PLXNA2: variants seen among roughly 807,000 people sequenced by gnomAD.
The protein encoded by PLXNA2 is plexin-A2.
A neutral mutation model predicts 193.5 loss-of-function variants in PLXNA2; 91 were observed. That is an observed-to-expected ratio of 0.47 (90% confidence interval 0.40 to 0.56). The LOEUF is 0.56. Ranked by LOEUF, PLXNA2 falls within the 20% of genes least tolerant of loss-of-function variation. The pLI, the probability that PLXNA2 is intolerant of heterozygous loss-of-function variation, is 0.00. For synonymous variants in PLXNA2, 997 were observed against 1,027.3 expected, an observed-to-expected ratio of 0.97 and a Z score of 0.56; for missense variants, 1,995 against 2,503.2, an observed-to-expected ratio of 0.80 and a Z score of 4.33.
At chr1:208,065,575 G>C (rs1423222474) in intron 12 of PLXNA2, among the ~76,000 whole-genome samples, 1 of 152,188 alleles carries the variant, frequency 6.6e-6, no homozygotes, top group African/African-American at 2.4e-5. Flanking sequence ...TAAAACATGG[G>C]ATGTTAGAAT....
Position 208,025,906 on chromosome 1 carries a change from CCACAGTCAT to C in PLXNA2, c.*1328_*1336del, listed in dbSNP as rs1664329963. Reference sequence around the variant, plus strand: ...GGCAGAAGGTAGTAACGTGGGCATGCCACAGTCATTTCTACTGAGGAAGTGCTGTAGGCC... The same window carrying C: ...GGCAGAAGGTAGTAACGTGGGCATGCTTCTACTGAGGAAGTGCTGTAGGCC... On this transcript the variant is annotated 3_prime_UTR_variant, in exon 32 of 32. Coordinates refer to ENST00000367033, the MANE Select transcript of PLXNA2 (RefSeq NM_025179.4). 6.6e-6 allele frequency: 1 copy of C among 152,612 alleles called. No individual in the cohort carries two copies. The highest frequency in any genetic ancestry group is 1.5e-5 in the Non-Finnish European group (1 of 68,050). 9.5% of individuals were successfully genotyped at this position (152,612 alleles called of 1,614,324 possible). A position where few individuals can be genotyped will look rare whatever the true frequency, so the allele number is the denominator to read the frequency against.
intron 3 of PLXNA2, among the ~76,000 whole-genome samples, chr1:208,190,221 CACTT>C (rs1670135593): frequency 6.6e-6 from 1 of 152,152 alleles, no homozygotes; most frequent in Non-Finnish European, 1.5e-5. Context: ...GCTTCTCCAT[CACTT>C]ACTTACGTCA....
At chr1:208,130,569 C>T (rs1571950115) in intron 4 of PLXNA2, among the ~76,000 whole-genome samples, 1 of 152,198 alleles carries the variant, frequency 6.6e-6, no homozygotes, top group African/African-American at 2.4e-5. Context: ...AGAAGGAATG[C>T]ACCCAATGTC....
In PLXNA2 at chr1:208,045,032, G is replaced by A. The variant is rs186809554; in HGVS notation, c.3639+35C>T. 523 of 1,613,098 alleles carry A rather than the reference G, an allele frequency of 3.2e-4. 1 individual carries two copies. In the African/African-American group the frequency reaches 5.7e-3, roughly 17 times the overall value. On this transcript the variant is annotated intron_variant, in intron 19 of 31. Transcript: ENST00000367033. Reference sequence around the variant, plus strand: ...ACAGATCACACATGCACCACGAGGCGGGAAGGAGGCATTACAGACGCAGGG... The same window carrying A: ...ACAGATCACACATGCACCACGAGGCAGGAAGGAGGCATTACAGACGCAGGG...
At chr1:208,243,319 G>T (rs978176979) in intron 1 of PLXNA2, among the ~76,000 whole-genome samples, 2 of 152,246 alleles carry the variant, frequency 1.3e-5, no homozygotes, top group Admixed American at 6.5e-5. Flanking sequence ...GCCGCAGAGC[G>T]CCGGCAGGTG....
At chr1:208,065,762 C>A (rs1178677754) in intron 12 of PLXNA2, among the ~76,000 whole-genome samples, 1 of 152,156 alleles carries the variant, frequency 6.6e-6, no homozygotes, top group Non-Finnish European at 1.5e-5. Context: ...CAGAGCAGGG[C>A]CCTGGCTTTG....
chr1:208,058,326 C>T (rs2102345714), intron 13 of PLXNA2, among the ~76,000 whole-genome samples: 1 of 152,324 alleles, frequency 6.6e-6, no homozygotes, highest in East Asian at 1.9e-4. Context: ...CTGTGGGGTG[C>T]TGATTGCAGG....
chr1:208,192,931 G>A (rs1237905457), intron 3 of PLXNA2, among the ~76,000 whole-genome samples: 5 of 151,294 alleles, frequency 3.3e-5, no homozygotes, highest in Admixed American at 6.6e-5. Context: ...TTAGACAAAG[G>A]GTCTTAATAT....
intron 3 of PLXNA2, among the ~76,000 whole-genome samples, chr1:208,189,506 A>G (rs374915893): frequency 7.7e-6 from 1 of 129,196 alleles, no homozygotes; most frequent in African/African-American, 2.9e-5. Flanking sequence ...AGAAGAGATA[A>G]AGAGAAAAAA....
At chr1:208,054,345 G>A (rs933567709) in intron 14 of PLXNA2, 76 bp downstream of exon 14, 6 of 977,824 alleles carry the variant, frequency 6.1e-6, no homozygotes, top group Non-Finnish European at 8.1e-6. Flanking sequence ...GGGGAGTGGG[G>A]GCTTCCTGGG....
rs918800170 is a variant in PLXNA2 at position 208,082,350 on chromosome 1, T to A, written c.2395+62A>T. 1 of 1,332,430 alleles carries A rather than the reference T, an allele frequency of 7.5e-7. No homozygotes were observed. Among genetic ancestry groups the A allele is most frequent in the East Asian group, 2.4e-5 (1 of 41,760 alleles). The allele number at this position is 1,332,430 out of a possible 1,614,324, so 82.5% of individuals were successfully genotyped here. A position where few individuals can be genotyped will look rare whatever the true frequency, so the allele number is the denominator to read the frequency against. ...AGCGGCTGGCTGGCTCTGATCCCTC[T>A]AGCCCCAGTCTTTCCCGGGGTCGTG... On this transcript the variant is annotated intron_variant, in intron 11 of 31. Coordinates refer to ENST00000367033, the MANE Select transcript of PLXNA2 (RefSeq NM_025179.4). This position sits in a 1 kb window ranked among gnomAD's most constrained non-coding sequence, Gnocchi z 4.2.
At position 208,082,363 on chromosome 1, in the gene PLXNA2, T is replaced by A; in HGVS notation, c.2395+49A>T. 6.8e-7 allele frequency: 1 copy of A among 1,460,652 alleles called. No individual in the cohort carries two copies. Among genetic ancestry groups the A allele is most frequent in the Non-Finnish European group, 9.5e-7 (1 of 1,048,308 alleles). The allele number at this position is 1,460,652 out of a possible 1,614,324, so 90.5% of individuals were successfully genotyped here. ...CTCTGATCCCTCTAGCCCCAGTCTT[T>A]CCCGGGGTCGTGAAAAGATCAAACT... is the stretch of plus-strand genomic sequence containing the variant. On this transcript the variant is annotated intron_variant, in intron 11 of 31. Coordinates refer to ENST00000367033, the MANE Select transcript of PLXNA2 (RefSeq NM_025179.4). The surrounding 1 kb of genome is among the most constrained non-coding windows in gnomAD (Gnocchi z 4.2).
At chr1:208,208,792 C>T (rs1670828086) in intron 3 of PLXNA2, among the ~76,000 whole-genome samples, 1 of 152,154 alleles carries the variant, frequency 6.6e-6, no homozygotes, top group Non-Finnish European at 1.5e-5. Flanking sequence ...CCACAGGGTA[C>T]ATGATGTGAC....
intron 10 of PLXNA2, 55 bp downstream of exon 10, chr1:208,084,325 C>T: frequency 6.3e-7 from 1 of 1,577,860 alleles, no homozygotes; most frequent in Non-Finnish European, 8.7e-7. Context: ...GAGGCCCCAG[C>T]ACGAGTGTGA....
At chr1:208,145,847 C>A (rs1458777308) in intron 3 of PLXNA2, among the ~76,000 whole-genome samples, 2 of 152,174 alleles carry the variant, frequency 1.3e-5, no homozygotes, top group African/African-American at 2.4e-5. Context: ...AGAGGTAAAA[C>A]CAAACCAGAA....
chr1:208,091,220 A>G lies in PLXNA2; in HGVS notation c.2097+1566T>C, dbSNP rs147672575. Among the ~76,000 whole-genome samples the G allele has an allele frequency of 3.3e-5, 5 of 152,348 alleles. No individual in the cohort carries two copies. In the East Asian group the frequency reaches 9.7e-4, roughly 29 times the overall value. On this transcript the variant is annotated intron_variant, in intron 9 of 31. Transcript: ENST00000367033. ...GGCATCTATGTTTCTCCCTTTCAAG[A>G]CAGGCAAATTCCATTTTTCTGACTG...
At position 208,038,348 on chromosome 1, in the gene PLXNA2, G is replaced by A. The variant is rs1413509601; in HGVS notation, c.4764+23C>T. Reference sequence around the variant, plus strand: ...AGGGAACATTCTGGGAAGCTGAAGAGGGGAAAAGACACCCCCTCTCACCTG... The same window carrying A: ...AGGGAACATTCTGGGAAGCTGAAGAAGGGAAAAGACACCCCCTCTCACCTG... On this transcript the variant is annotated intron_variant, in intron 26 of 31. Coordinates refer to ENST00000367033, the MANE Select transcript of PLXNA2 (RefSeq NM_025179.4). This position sits in a 1 kb window ranked among gnomAD's most constrained non-coding sequence, Gnocchi z 4.1. 5 of 1,503,554 alleles carry A rather than the reference G, an allele frequency of 3.3e-6. No homozygotes were observed. The highest frequency in any genetic ancestry group is 4.6e-6 in the Non-Finnish European group (5 of 1,079,048). The allele number at this position is 1,503,554 out of a possible 1,614,324, so 93.1% of individuals were successfully genotyped here.
intron 1 of PLXNA2, among the ~76,000 whole-genome samples, chr1:208,234,259 C>T (rs1022598960): frequency 3.4e-4 from 51 of 152,128 alleles, no homozygotes; most frequent in Middle Eastern, 3.4e-3. Flanking sequence ...TGTGTGGGCC[C>T]GGGTAAAAGG....
At chr1:208,197,758 G>T (rs746637528) in intron 3 of PLXNA2, among the ~76,000 whole-genome samples, 7 of 152,190 alleles carry the variant, frequency 4.6e-5, no homozygotes, top group Admixed American at 2.6e-4. Context: ...GCTACGAGCT[G>T]TCTGAAGCTT....
Sources: gnomAD v4.1 joint callset for allele counts (sites outside exome capture counted in the v4.1 genomes callset) on GRCh38, gnomAD v4.1.1 for gene constraint, Gnocchi (gnomAD v3.1) non-coding constraint, MANE v1.5 for transcripts, NCBI Gene and HGNC (gene_info 2026-07-23, HGNC 2026-07-21) for gene names.